The following DPH6 variants were observed in gnomAD, a reference collection of about 807,000 sequenced individuals.
DPH6 encodes diphthine--ammonia ligase.
In DPH6, 33 loss-of-function variants were observed where a neutral mutation model predicts 38.2. The ratio of observed to expected loss-of-function variants is 0.86; its 90% CI spans 0.65 to 1.15. DPH6 has a LOEUF of 1.15. Ranked by LOEUF, DPH6 falls within the 50% of genes most tolerant of loss-of-function variation. The pLI is 0.00. For synonymous variants in DPH6, 108 were observed against 103.0 expected, an observed-to-expected ratio of 1.05 and a Z score of -0.30; for missense variants, 325 against 320.0, an observed-to-expected ratio of 1.02 and a Z score of -0.12.
At chr15:35,145,236 T>C in the DPH6 span, among the ~76,000 whole-genome samples, 94 of 152,236 alleles carry the variant, frequency 6.2e-4, no homozygotes, top group Non-Finnish European at 1.1e-3. Context: ...AATTTCTTTC[T>C]AGTCTTTTGT....
intron 3 of DPH6, among the ~76,000 whole-genome samples, chr15:35,323,075 T>A (rs1254739299): frequency 1.3e-5 from 2 of 152,094 alleles, no homozygotes; most frequent in Non-Finnish European, 2.9e-5. Flanking sequence ...AAAGAAAAAA[T>A]GAAGACGATG....
At position 35,219,121 on chromosome 15, in the gene DPH6, C is replaced by CA. The variant is rs2051427139; in HGVS notation, n.1661_1662insT. On this transcript the variant is annotated non_coding_transcript_exon_variant, in exon 4 of 4. Coordinates refer to the DPH6 transcript ENST00000560386. ...GTCATTTTAAGTCACAAAGTGTAGT[C>CA]TTCTCTTCCGTAATGTGGTTGATAT... The CA allele has an allele frequency of 9.9e-5, 15 of 152,270 alleles. 1 individual carries two copies. The South Asian group carries it at 2.7e-3, about 27-fold the overall frequency. The allele number at this position is 152,270 out of a possible 1,614,324, so 9.4% of individuals were successfully genotyped here.
At chr15:35,259,139 C>T (rs1043534687) in intron 3 of DPH6, among the ~76,000 whole-genome samples, 2 of 88,358 alleles carry the variant, frequency 2.3e-5, no homozygotes, top group Admixed American at 1.1e-4. Flanking sequence ...AGCAAGACTC[C>T]GTCTCAAAAA....
intron 3 of DPH6, among the ~76,000 whole-genome samples, chr15:35,475,325 A>C (rs2054251345): frequency 6.6e-6 from 1 of 152,074 alleles, no homozygotes; most frequent in Non-Finnish European, 1.5e-5. Flanking sequence ...AAATAAATGC[A>C]AACACCAGAA....
chr15:35,153,709 G>A, the DPH6 span, among the ~76,000 whole-genome samples: 2 of 152,150 alleles, frequency 1.3e-5, no homozygotes, highest in Non-Finnish European at 2.9e-5. Flanking sequence ...GGAAGAGAAA[G>A]AGAGAAAGAC....
At chr15:35,515,930 G>A (rs75057290) in intron 3 of DPH6, among the ~76,000 whole-genome samples, 14,094 of 151,886 alleles carry the variant, frequency 0.093, 898 homozygotes, top group African/African-American at 0.18. Context: ...TTGGTGATAC[G>A]TCCGTTTTGT....
At chr15:35,151,459 G>A in the DPH6 span, among the ~76,000 whole-genome samples, 1 of 152,240 alleles carries the variant, frequency 6.6e-6, no homozygotes, top group East Asian at 1.9e-4. Context: ...AAATAATGTA[G>A]TTTTGTTTAA....
chr15:35,334,877 T>G (rs1425672808), intron 3 of DPH6, among the ~76,000 whole-genome samples: 1 of 152,126 alleles, frequency 6.6e-6, no homozygotes, highest in Non-Finnish European at 1.5e-5. Context: ...TATGTGTGCA[T>G]GTATCTTTAT....
the DPH6 span, among the ~76,000 whole-genome samples, chr15:35,207,332 C>A: frequency 6.6e-6 from 1 of 152,054 alleles, no homozygotes; most frequent in Admixed American, 6.6e-5. Flanking sequence ...AAGGCATAAG[C>A]CATCAAACCC....
chr15:35,358,775 C>T (rs1404486255), intron 3 of DPH6, among the ~76,000 whole-genome samples: 2 of 152,164 alleles, frequency 1.3e-5, no homozygotes, highest in Non-Finnish European at 2.9e-5. Context: ...AACACCTGTT[C>T]TGGTGGAGGT....
At chr15:35,354,788 G>A (rs1328409265) in intron 3 of DPH6, among the ~76,000 whole-genome samples, 2 of 152,002 alleles carry the variant, frequency 1.3e-5, no homozygotes, top group Non-Finnish European at 2.9e-5. Context: ...GGATGATGCT[G>A]GCCTCATAAA....
intron 5 of DPH6, among the ~76,000 whole-genome samples, chr15:35,424,826 A>T (rs552423811): frequency 3.3e-5 from 5 of 151,786 alleles, no homozygotes; most frequent in African/African-American, 1.2e-4. Flanking sequence ...TATACCTAGG[A>T]CTTGAACTTA....
At chr15:35,329,914 A>G (rs566555985), downstream of DPH6, among the ~76,000 whole-genome samples, 1 of 152,292 alleles carries the variant, frequency 6.6e-6, no homozygotes, top group African/African-American at 2.4e-5. Flanking sequence ...ACAATCCATC[A>G]TTTCTATTTT....
At chr15:35,195,541 T>C in the DPH6 span, among the ~76,000 whole-genome samples, 28 of 152,298 alleles carry the variant, frequency 1.8e-4, 1 homozygote, top group African/African-American at 6.3e-4. Flanking sequence ...CAGGTTAAAA[T>C]GCCGATTTAC....
chr15:35,331,377 T>C (rs1385036194), intron 3 of DPH6, among the ~76,000 whole-genome samples: 1 of 152,084 alleles, frequency 6.6e-6, no homozygotes, highest in East Asian at 1.9e-4. Context: ...ACATTTCAGG[T>C]ATACATAAAT....
At position 35,542,962 on chromosome 15, in the gene DPH6, AT is replaced by A. The variant is rs1051305511; in HGVS notation, c.24-456del. On this transcript the variant is annotated intron_variant, in intron 1 of 8. Coordinates refer to ENST00000256538, the MANE Select transcript of DPH6 (RefSeq NM_080650.4). Reference sequence around the variant, plus strand: ...ACTTAAGGAATATATATATATATATATATAAAATAATTTCATAGAAATTATT... The same window carrying A: ...ACTTAAGGAATATATATATATATATAATAAAATAATTTCATAGAAATTATT... Among the ~76,000 whole-genome samples the A allele has an allele frequency of 2.8e-4, 35 of 125,056 alleles. 4 individuals are homozygous for A. Among genetic ancestry groups the A allele is most frequent in the Non-Finnish European group, 3.5e-4 (21 of 59,448 alleles). 82.0% of individuals were successfully genotyped at this position (125,056 alleles called of 152,430 possible).
chr15:35,309,101 G>T (rs2052118083), intron 3 of DPH6, among the ~76,000 whole-genome samples: 1 of 152,228 alleles, frequency 6.6e-6, no homozygotes, highest in Non-Finnish European at 1.5e-5. Flanking sequence ...CACAACTGAA[G>T]TCTGATTGCA....
At chr15:35,368,898 G>A (rs557113181), downstream of DPH6, among the ~76,000 whole-genome samples, 11 of 151,752 alleles carry the variant, frequency 7.2e-5, no homozygotes, top group Non-Finnish European at 1.6e-4. Flanking sequence ...ACTAGAAAGA[G>A]AGTGACTTTA....
intron 3 of DPH6, among the ~76,000 whole-genome samples, chr15:35,319,186 C>T (rs901711413): frequency 2.0e-4 from 30 of 152,082 alleles, no homozygotes; most frequent in African/African-American, 7.0e-4. Flanking sequence ...GTACTTCTGG[C>T]AACATGGTTT....
Sources: gnomAD v4.1 joint callset for allele counts (sites outside exome capture counted in the v4.1 genomes callset) on GRCh38, gnomAD v4.1.1 for gene constraint, MANE v1.5 for transcripts, NCBI Gene and HGNC (gene_info 2026-07-23, HGNC 2026-07-21) for gene names.